The following CRPPA variants were observed in gnomAD, a reference collection of about 807,000 sequenced individuals.
CRPPA encodes the protein D-ribitol-5-phosphate cytidylyltransferase.
Under a neutral mutation model 52.0 loss-of-function variants are expected in CRPPA, and 43 were observed. That is an observed-to-expected ratio of 0.83 (90% CI 0.65 to 1.07). The LOEUF is 1.07. Ranked by LOEUF, CRPPA falls within the 50% of genes least tolerant of loss-of-function variation. The pLI is 0.00. For synonymous variants in CRPPA, 250 were observed against 203.5 expected, an observed-to-expected ratio of 1.23 and a Z score of -1.94; for missense variants, 629 against 551.7, an observed-to-expected ratio of 1.14 and a Z score of -1.40.
chr7:16,176,722 A>G (rs1781305273), intron 9 of CRPPA, among the ~76,000 whole-genome samples: 1 of 150,178 alleles, frequency 6.7e-6, no homozygotes, highest in South Asian at 2.2e-4. Flanking sequence ...GACTATAGGC[A>G]TGCACCACCA....
chr7:16,278,179 T>G lies in CRPPA; in HGVS notation c.883A>C (p.Asn295His). The G allele has an allele frequency of 6.3e-7, 1 of 1,584,686 alleles. No homozygotes were observed. Among genetic ancestry groups the G allele is most frequent in the Non-Finnish European group, 8.6e-7 (1 of 1,159,786 alleles). The change falls in exon 6 of 10, where the codon AAC (asparagine) becomes CAC (histidine). Residue 295 changes from asparagine (N) to histidine (H), a missense_variant. Transcript: ENST00000407010. ...TCAAGAAGATGACCTACATGTTTGT[T>G]ATCTTCTTCTGTATCCATAACTACA... ...ICVVMDTEED[N>H]KHVGHLLEEV...
At position 16,338,580 on chromosome 7, in the gene CRPPA, G is replaced by A. The variant is rs78095710; in HGVS notation, c.685-29953C>T. On this transcript the variant is annotated intron_variant, in intron 3 of 9. Coordinates refer to ENST00000407010, the MANE Select transcript of CRPPA (RefSeq NM_001101426.4). The stretch of plus-strand genomic sequence containing the variant: ...TACTAATACCAAAATGGAAGAAAGG[G>A]CATAACTGCAGACTTCATGGACATC... Among the ~76,000 whole-genome samples the A allele has an allele frequency of 2.3e-3, 347 of 152,144 alleles. 13 individuals carry two copies. The East Asian group carries it at 0.051, about 22-fold the overall frequency.
At chr7:16,399,543 G>C (rs1446265137) in intron 2 of CRPPA, among the ~76,000 whole-genome samples, 1 of 151,124 alleles carries the variant, frequency 6.6e-6, no homozygotes, top group African/African-American at 2.5e-5. Flanking sequence ...ACTGACACGA[G>C]ATTGACATGA....
chr7:16,411,763 A>T (rs1788081643), intron 1 of CRPPA, among the ~76,000 whole-genome samples: 1 of 152,182 alleles, frequency 6.6e-6, no homozygotes, highest in Non-Finnish European at 1.5e-5. Flanking sequence ...TATTAGTGTG[A>T]CATGTTCACT....
chr7:16,214,631 G>T (rs993606166), intron 9 of CRPPA, among the ~76,000 whole-genome samples: 1 of 151,906 alleles, frequency 6.6e-6, no homozygotes, highest in Non-Finnish European at 1.5e-5. Context: ...CAGCCTCCCA[G>T]GTAGCTGGGA....
At chr7:16,311,213 G>A (rs902765404) in intron 3 of CRPPA, among the ~76,000 whole-genome samples, 3 of 151,914 alleles carry the variant, frequency 2.0e-5, no homozygotes, top group African/African-American at 4.8e-5. Flanking sequence ...GTTTAATTAC[G>A]ACCCATGCAT....
intron 9 of CRPPA, among the ~76,000 whole-genome samples, chr7:16,177,747 C>T (rs1263665946): frequency 6.6e-6 from 1 of 151,898 alleles, no homozygotes; most frequent in African/African-American, 2.4e-5. Context: ...TTCACAATTC[C>T]AGTTTTCTTT....
At chr7:16,314,322 T>C (rs757321579) in intron 3 of CRPPA, among the ~76,000 whole-genome samples, 3 of 152,068 alleles carry the variant, frequency 2.0e-5, no homozygotes, top group Non-Finnish European at 4.4e-5. Flanking sequence ...TTTCCAATAA[T>C]GGTGTGCCAC....
At chr7:16,114,984 G>A (rs1320380560) in intron 9 of CRPPA, among the ~76,000 whole-genome samples, 1 of 152,000 alleles carries the variant, frequency 6.6e-6, no homozygotes, top group African/African-American at 2.4e-5. Flanking sequence ...AAAAGACTAA[G>A]GTAACACTCC....
At position 16,291,101 on chromosome 7, in the gene CRPPA, G is replaced by T. The variant is rs532196389; in HGVS notation, c.835+10320C>A. Among the ~76,000 whole-genome samples, 4 of 151,900 alleles carry T rather than the reference G, an allele frequency of 2.6e-5. No individual in the cohort carries two copies. In the East Asian group the frequency reaches 7.7e-4, roughly 29 times the overall value. Reference sequence around the variant, plus strand: ...AGTTATCAACTCACCCCAGTTACAGGGCTATTATCAAAAACACAAAAAATA... The same window carrying T: ...AGTTATCAACTCACCCCAGTTACAGTGCTATTATCAAAAACACAAAAAATA... On this transcript the variant is annotated intron_variant, in intron 5 of 9. Coordinates refer to ENST00000407010, the MANE Select transcript of CRPPA (RefSeq NM_001101426.4).
rs984781502 is a variant in CRPPA at position 16,346,689 on chromosome 7, C to G, written c.684+29403G>C. ...CATAGATGTGAAGTATACCAGCTTA[C>G]TGTACTAATGTTTGGCTTTGTCACA... On this transcript the variant is annotated intron_variant, in intron 3 of 9. Transcript: ENST00000407010. Among the ~76,000 whole-genome samples, 4 of 152,068 alleles carry G rather than the reference C, an allele frequency of 2.6e-5. No homozygotes were observed. The East Asian group carries it at 7.7e-4, about 29-fold the overall frequency.
chr7:16,185,453 C>T (rs995047422), intron 9 of CRPPA, among the ~76,000 whole-genome samples: 2 of 152,034 alleles, frequency 1.3e-5, no homozygotes, highest in African/African-American at 4.8e-5. Flanking sequence ...TTTTACTAAC[C>T]CACACCATCA....
intron 1 of CRPPA, among the ~76,000 whole-genome samples, chr7:16,410,021 A>G (rs984925733): frequency 6.6e-6 from 1 of 152,220 alleles, no homozygotes; most frequent in Non-Finnish European, 1.5e-5. Flanking sequence ...CTGTGAAAAC[A>G]AAGGAGGCTC....
intron 9 of CRPPA, among the ~76,000 whole-genome samples, chr7:16,212,887 T>G (rs1782188744): frequency 6.6e-6 from 1 of 151,414 alleles, no homozygotes; most frequent in African/African-American, 2.4e-5. Flanking sequence ...TAATAGTTTA[T>G]GGGAAACTTT....
intron 2 of CRPPA, among the ~76,000 whole-genome samples, chr7:16,398,536 A>G (rs539883291): frequency 2.4e-4 from 37 of 152,314 alleles, no homozygotes; most frequent in African/African-American, 8.4e-4. Flanking sequence ...GTGACAAATG[A>G]TCGACATAAG....
chr7:16,380,645 T>C (rs1378151376), intron 2 of CRPPA, among the ~76,000 whole-genome samples: 1 of 152,202 alleles, frequency 6.6e-6, no homozygotes, highest in Non-Finnish European at 1.5e-5. Flanking sequence ...TGGTAAGCTA[T>C]TGATTATTGC....
At chr7:16,298,689 A>G (rs1318850641) in intron 5 of CRPPA, among the ~76,000 whole-genome samples, 1 of 152,200 alleles carries the variant, frequency 6.6e-6, no homozygotes, top group Non-Finnish European at 1.5e-5. Flanking sequence ...GGGATCCCCA[A>G]TTAGCTGGTA....
intron 4 of CRPPA, 45 bp downstream of exon 4, chr7:16,308,478 A>G: frequency 9.4e-7 from 1 of 1,067,138 alleles, no homozygotes; most frequent in Non-Finnish European, 1.4e-6. Flanking sequence ...ACGCAAACAC[A>G]TGAAAGCACA....
chr7:16,342,782 A>ATGT (rs1288372117), intron 3 of CRPPA, among the ~76,000 whole-genome samples: 1 of 76,540 alleles, frequency 1.3e-5, no homozygotes, highest in African/African-American at 4.8e-5. Context: ...AAAAAAAAAA[A>ATGT]ATATATATAT....
Sources: gnomAD v4.1 joint callset for allele counts (sites outside exome capture counted in the v4.1 genomes callset) on GRCh38, gnomAD v4.1.1 for gene constraint, MANE v1.5 for transcripts, NCBI Gene and HGNC (gene_info 2026-07-23, HGNC 2026-07-21) for gene names.